Variants in PTPRN observed in about 807,000 individuals in gnomAD.
The protein encoded by PTPRN is receptor-type tyrosine-protein phosphatase-like N.
In PTPRN, 70 loss-of-function variants were observed where a neutral mutation model predicts 108.5. The observed-to-expected ratio is 0.65, with a 90% CI of 0.53 to 0.79. The LOEUF is 0.79. PTPRN is among the 30% of genes least tolerant of loss of function. PTPRN has a pLI of 0.00. For missense variants in PTPRN, 1,136 were observed against 1,295.5 expected (o/e 0.88, Z 1.89); for synonymous variants, 496 against 524.6 (o/e 0.95, Z 0.75).
Position 219,296,359 on chromosome 2 carries a change from C to G in PTPRN, c.2389-14G>C, listed in dbSNP as rs756867259. ...CTCCCACACCATCTAGGGACAGAGA[C>G]CCAGTTGAGCTCCACTCTAACCTCC... is the stretch of plus-strand genomic sequence containing the variant. On this transcript the variant is annotated splice_polypyrimidine_tract_variant and intron_variant, in intron 17 of 22. Coordinates refer to ENST00000295718, the MANE Select transcript of PTPRN (RefSeq NM_002846.4). This position sits in a 1 kb window ranked among gnomAD's most constrained non-coding sequence, Gnocchi z 6.0. 6.2e-7 allele frequency: 1 copy of G among 1,614,172 alleles called. No individual in the cohort carries two copies.
chr2:219,294,846 TG>T, intron 19 of PTPRN, 128 bp downstream of exon 19: 1 of 982,158 alleles, frequency 1.0e-6, no homozygotes, highest in Non-Finnish European at 1.4e-6. Flanking sequence ...GCGTGGGGTC[TG>T]GAGCGGGCGG....
chr2:219,300,749 G>C (rs1268535287), intron 8 of PTPRN, among the ~76,000 whole-genome samples, 194 bp downstream of exon 8: 1 of 152,192 alleles, frequency 6.6e-6, no homozygotes, highest in Non-Finnish European at 1.5e-5. Flanking sequence ...TAAGAATTCA[G>C]TTTTCTGGCT....
chr2:219,303,430 C>A (rs1355890706), intron 4 of PTPRN, among the ~76,000 whole-genome samples: 2 of 152,210 alleles, frequency 1.3e-5, no homozygotes, highest in African/African-American at 2.4e-5. Flanking sequence ...GAATATTGAA[C>A]AACTTCAGTC....
Position 219,296,124 on chromosome 2 carries a change from A to G in PTPRN, c.2508+102T>C, listed in dbSNP as rs1365660316. On this transcript the variant is annotated intron_variant, in intron 18 of 22. Transcript: ENST00000295718. This position sits in a 1 kb window ranked among gnomAD's most constrained non-coding sequence, Gnocchi z 6.0. ...GAGCAGGGCCAATAAAAGCCTTTTTAAAAAGACTGTTGAGTGCTCATTTGG... is the reference window on the plus strand; with the variant it reads ...GAGCAGGGCCAATAAAAGCCTTTTTGAAAAGACTGTTGAGTGCTCATTTGG... 1 of 1,532,632 alleles carries G rather than the reference A, an allele frequency of 6.5e-7. No individual in the cohort carries two copies. The highest frequency in any genetic ancestry group is 8.9e-7 in the Non-Finnish European group (1 of 1,123,014). 94.9% of individuals were successfully genotyped at this position (1,532,632 alleles called of 1,614,324 possible). A position where few individuals can be genotyped will look rare whatever the true frequency, so the allele number is the denominator to read the frequency against.
At chr2:219,291,696 G>T in intron 19 of PTPRN, 173 bp from the exon 20 acceptor site, 1 of 685,276 alleles carries the variant, frequency 1.5e-6, no homozygotes, top group Non-Finnish European at 2.5e-6. Context: ...CAGAGCTGGT[G>T]TGGGTGGCAT....
chr2:219,296,005 T>A lies in PTPRN; in HGVS notation c.2508+221A>T. The A allele has an allele frequency of 2.0e-5, 11 of 550,006 alleles. No homozygotes were observed. The highest frequency in any genetic ancestry group is 3.4e-5 in the East Asian group (1 of 29,692). 34.1% of individuals were successfully genotyped at this position (550,006 alleles called of 1,614,324 possible). A position where few individuals can be genotyped will look rare whatever the true frequency, so the allele number is the denominator to read the frequency against. ...ACACACACACACACACACACACACA[T>A]GTATGTTCTGTAAACAGGACACACA... is the stretch of plus-strand genomic sequence containing the variant. On this transcript the variant is annotated intron_variant, in intron 18 of 22. Transcript: ENST00000295718. This position sits in a 1 kb window ranked among gnomAD's most constrained non-coding sequence, Gnocchi z 6.0.
chr2:219,300,005 G>C lies in PTPRN; in HGVS notation c.1416C>G (p.Gly472=). ...PSARPAAEEY[G]YIVTDQKPLS... ...CTTACTTCTGATCAGTGACGATGTA[G>C]CCATATTCCTCTGCTGCTGGGCGGG... The change falls in exon 9 of 23, where the codon GGC becomes GGG. Residue 472 remains glycine, a synonymous_variant. Transcript: ENST00000295718. The C allele has an allele frequency of 6.2e-7, 1 of 1,614,230 alleles. No individual in the cohort carries two copies. Among genetic ancestry groups the C allele is most frequent in the Non-Finnish European group, 8.5e-7 (1 of 1,180,040 alleles).
At position 219,290,910 on chromosome 2, in the gene PTPRN, C is replaced by A. The variant is rs1199221773; in HGVS notation, c.2730-20G>T. ...CCATCACTGAAACAGGAGTTAGTGA[C>A]AGGTTTAGCTTGAGATGCAGCAGAA... On this transcript the variant is annotated intron_variant, in intron 20 of 22. Coordinates refer to ENST00000295718, the MANE Select transcript of PTPRN (RefSeq NM_002846.4). This position sits in a 1 kb window ranked among gnomAD's most constrained non-coding sequence, Gnocchi z 4.2. 1 of 1,610,754 alleles carries A rather than the reference C, an allele frequency of 6.2e-7. No individual in the cohort carries two copies. Among genetic ancestry groups the A allele is most frequent in the East Asian group, 2.2e-5 (1 of 44,842 alleles).
At chr2:219,291,574 AGGGAAGCTGAAACACATGACGT>A in intron 19 of PTPRN, 51 bp from the exon 20 acceptor site, 1 of 1,561,232 alleles carries the variant, frequency 6.4e-7, no homozygotes. Flanking sequence ...AGAGAGGGAA[AGGGAAGCTGAAACACATGACGT>A]GGGCCTCTCT....
chr2:219,305,304 G>A (rs1952454725), intron 3 of PTPRN, among the ~76,000 whole-genome samples: 1 of 150,748 alleles, frequency 6.6e-6, no homozygotes. Context: ...GTGCAGTGGT[G>A]CGATCTCGGC....
intron 1 of PTPRN, 52 bp downstream of exon 1, chr2:219,309,166 C>A: frequency 1.4e-6 from 2 of 1,454,860 alleles, no homozygotes; most frequent in Non-Finnish European, 1.9e-6. Context: ...CGCTCCAGGC[C>A]CCAAGCTGCT....
intron 1 of PTPRN, 157 bp downstream of exon 1, chr2:219,309,061 C>T (rs1952558422): frequency 6.5e-7 from 1 of 1,534,668 alleles, no homozygotes; most frequent in Non-Finnish European, 8.8e-7. Context: ...CCCTTTCCTC[C>T]GAGACGCCCT....
chr2:219,299,652 G>A (rs1405281170), intron 10 of PTPRN, 48 bp downstream of exon 10: 1 of 1,517,260 alleles, frequency 6.6e-7, no homozygotes, highest in Admixed American at 1.9e-5. Context: ...CCTTGCTCAA[G>A]CTGCTTTCTA....
In PTPRN at chr2:219,297,006, G is replaced by C; in HGVS notation, c.2215C>G (p.Arg739Gly). 6.2e-7 allele frequency: 1 copy of C among 1,613,880 alleles called. No individual in the cohort carries two copies. Among genetic ancestry groups the C allele is most frequent in the East Asian group, 2.2e-5 (1 of 44,878 alleles). Residue 739 changes from arginine (R) to glycine (G), a missense_variant, in exon 15 of 23, where the codon CGG becomes GGG. By Grantham distance (125) the Arg-to-Gly change is moderately radical (BLOSUM62 -2). Transcript: ENST00000295718. The surrounding 1 kb of genome is among the most constrained non-coding windows in gnomAD (Gnocchi z 6.0). Reference protein sequence around the residue: ...AQGEGNIKKNRHPDFLPYDHA... With the variant: ...AQGEGNIKKNGHPDFLPYDHA... ...TCACAGGGCAGGAAGTCAGGATGCCGGTTCTTTTTGATGTTGCCCTCCCCC... is the reference window on the plus strand; with the variant it reads ...TCACAGGGCAGGAAGTCAGGATGCCCGTTCTTTTTGATGTTGCCCTCCCCC...
intron 7 of PTPRN, 36 bp downstream of exon 7, chr2:219,301,552 G>A: frequency 6.3e-7 from 1 of 1,586,446 alleles, no homozygotes; most frequent in South Asian, 1.1e-5. Flanking sequence ...CATGGAGCCG[G>A]GAGATATTGG....
chr2:219,307,867 GCTCAGACACCCA>G (rs1380994871), intron 1 of PTPRN, 25 bp from the exon 2 acceptor site: 6 of 1,612,362 alleles, frequency 3.7e-6, no homozygotes, highest in Non-Finnish European at 5.1e-6. Context: ...GTGAGCAGAG[GCTCAGACACCCA>G]CTCACAGAGA....
At chr2:219,291,270 T>C (rs763639921) in intron 20 of PTPRN, among the ~76,000 whole-genome samples, 200 bp downstream of exon 20, 1 of 152,228 alleles carries the variant, frequency 6.6e-6, no homozygotes, top group Non-Finnish European at 1.5e-5. Context: ...ATACAGTTTG[T>C]ATCACATACT....
chr2:219,295,831 T>C, intron 18 of PTPRN: 1 of 175,436 alleles, frequency 5.7e-6, no homozygotes, highest in South Asian at 1.3e-4. Context: ...AACGTAGGTC[T>C]TAATCTCAGT....
At chr2:219,305,014 TCA>T (rs1162885051) in intron 3 of PTPRN, among the ~76,000 whole-genome samples, 56 of 152,282 alleles carry the variant, frequency 3.7e-4, no homozygotes, top group Admixed American at 9.8e-4. Context: ...AAAGCTGCTC[TCA>T]TCAAGAGCAG....
Sources: gnomAD v4.1 joint callset for allele counts (sites outside exome capture counted in the v4.1 genomes callset) on GRCh38, gnomAD v4.1.1 for gene constraint, Gnocchi (gnomAD v3.1) non-coding constraint, MANE v1.5 for transcripts, NCBI Gene and HGNC (gene_info 2026-07-23, HGNC 2026-07-21) for gene names.